Variants in ZYG11A observed in about 807,000 individuals in gnomAD.
ZYG11A encodes zyg-11 family member A, cell cycle regulator.
Under a neutral mutation model 77.2 loss-of-function variants are expected in ZYG11A, and 62 were observed. That is an observed-to-expected ratio of 0.80 (90% confidence interval 0.65 to 0.99). The LOEUF is 0.99. Among genes scored for constraint, ZYG11A ranks in the 50% least tolerant of loss-of-function variants. The probability of loss-of-function intolerance (pLI) is 0.00; values close to 1 mark genes in which losing one functional copy is unlikely to be tolerated. For synonymous variants in ZYG11A, 315 were observed against 324.6 expected, an observed-to-expected ratio of 0.97 and a Z score of 0.32; for missense variants, 828 against 896.8, an observed-to-expected ratio of 0.92 and a Z score of 0.98.
intron 11 of ZYG11A, among the ~76,000 whole-genome samples, chr1:52,884,682 G>A (rs1255292239): frequency 6.6e-6 from 1 of 152,082 alleles, no homozygotes; most frequent in African/African-American, 2.4e-5. Flanking sequence ...AAGCTTAATT[G>A]TCAGTAGTCT....
intron 8 of ZYG11A, among the ~76,000 whole-genome samples, chr1:52,869,282 TTTCTCGCAGAGGGGGA>T (rs1646092345): frequency 6.7e-6 from 1 of 149,422 alleles, no homozygotes; most frequent in South Asian, 2.1e-4. Flanking sequence ...TTCTTGGGTG[TTTCTCGCAGAGGGGGA>T]TTTGGCAGGG....
rs1194827464 is a variant in ZYG11A at position 52,869,963 on chromosome 1, G to GA, written c.1542+2187dup. Reference sequence around the variant, plus strand: ...AGGGTGGCTGGCCGGGCGGGGGGCTGACCCCCCCCCACCCCCCTCCCGGGC... The same window carrying GA: ...AGGGTGGCTGGCCGGGCGGGGGGCTGAACCCCCCCCCACCCCCCTCCCGGGC... On this transcript the variant is annotated intron_variant, in intron 8 of 13. Coordinates refer to ENST00000371528, the MANE Select transcript of ZYG11A (RefSeq NM_001004339.3). 7.3e-5 allele frequency among the ~76,000 whole-genome samples: 8 copies of GA among 109,284 alleles called. 1 individual carries two copies. The highest frequency in any genetic ancestry group is 1.2e-4 in the Non-Finnish European group (6 of 49,644). 71.7% of individuals were successfully genotyped at this position (109,284 alleles called of 152,430 possible).
At chr1:52,885,495 T>C (rs1216117205) in intron 11 of ZYG11A, among the ~76,000 whole-genome samples, 1 of 152,132 alleles carries the variant, frequency 6.6e-6, no homozygotes, top group Non-Finnish European at 1.5e-5. Flanking sequence ...TGAGCCACTG[T>C]GCCCAGCCTG....
intron 8 of ZYG11A, among the ~76,000 whole-genome samples, chr1:52,869,875 C>T (rs12725112): frequency 1.3e-5 from 2 of 150,316 alleles, no homozygotes; most frequent in East Asian, 4.0e-4. Context: ...CCCCACACCT[C>T]CCTCCCGGAC....
At position 52,857,504 on chromosome 1, in the gene ZYG11A, C is replaced by G; in HGVS notation, c.763C>G (p.Leu255Val). The change falls in exon 3 of 14, where the codon CTT (leucine) becomes GTT (valine). Residue 255 changes from leucine to valine, a missense_variant. Transcript: ENST00000371528. ...KSQILAVIRE[L>V]KCLLHLDISD... is the part of the protein sequence containing the mutation. ...ACAAATTCTTGCAGTCATTAGAGAA[C>G]TTAAATGTCTGCTTCACCTTGATAT... 6.4e-7 allele frequency: 1 copy of G among 1,552,204 alleles called. No homozygotes were observed.
At chr1:52,854,722 A>C in intron 2 of ZYG11A, 92 bp downstream of exon 2, 1 of 1,242,488 alleles carries the variant, frequency 8.0e-7, no homozygotes. Context: ...ATTCTCACAA[A>C]GTATTTCCAT....
chr1:52,869,492 T>C (rs1055338512), intron 8 of ZYG11A, among the ~76,000 whole-genome samples: 1 of 151,716 alleles, frequency 6.6e-6, no homozygotes, highest in African/African-American at 2.4e-5. Context: ...AAAGCACATC[T>C]TGCACCGCCC....
At chr1:52,881,936 CAGGGTGG>C (rs1646371971) in intron 11 of ZYG11A, among the ~76,000 whole-genome samples, 1 of 150,166 alleles carries the variant, frequency 6.7e-6, no homozygotes, top group Admixed American at 6.6e-5. Context: ...GTCTGTCTCC[CAGGGTGG>C]AGCACAGTGG....
At position 52,860,248 on chromosome 1, in the gene ZYG11A, A is replaced by G. The variant is rs578223559; in HGVS notation, c.1009-483A>G. Among the ~76,000 whole-genome samples the G allele has an allele frequency of 8.5e-5, 13 of 152,120 alleles. No homozygotes were observed. The South Asian group carries it at 1.0e-3, about 12-fold the overall frequency. On this transcript the variant is annotated intron_variant, in intron 3 of 13. Coordinates refer to ENST00000371528, the MANE Select transcript of ZYG11A (RefSeq NM_001004339.3). ...TAAAAAATAGAGGCGAGGTCTCACTATGTTGTCCAGGCTGGTCTCGTAGTC... is the reference window on the plus strand; with the variant it reads ...TAAAAAATAGAGGCGAGGTCTCACTGTGTTGTCCAGGCTGGTCTCGTAGTC...
chr1:52,890,249 G>GTTTTTTTTTT (rs908467307), intron 13 of ZYG11A, among the ~76,000 whole-genome samples: 1 of 71,658 alleles, frequency 1.4e-5, no homozygotes, highest in African/African-American at 5.8e-5. Flanking sequence ...TTTTCTTTTA[G>GTTTTTTTTTT]TTTTTTTTTT....
At chr1:52,848,305 A>G (rs1200807241) in intron 1 of ZYG11A, among the ~76,000 whole-genome samples, 2 of 152,070 alleles carry the variant, frequency 1.3e-5, no homozygotes, top group African/African-American at 2.4e-5. Flanking sequence ...CTCGCCCGAC[A>G]TGCTTTGTTT....
chr1:52,885,972 G>A (rs150175951), intron 12 of ZYG11A, 78 bp downstream of exon 12: 38 of 1,175,388 alleles, frequency 3.2e-5, no homozygotes, highest in Non-Finnish European at 3.8e-5. Flanking sequence ...TTGCTCAGTC[G>A]CCCAGGCTGG....
In ZYG11A at chr1:52,860,816, A is replaced by C. The variant is rs1057395703; in HGVS notation, c.1094A>C (p.His365Pro). Residue 365 changes from histidine (H) to proline (P), a missense_variant, in exon 4 of 14, where the codon CAC becomes CCC. Physicochemically the swap from His to Pro is moderately conservative, Grantham distance 77 (BLOSUM62 -2). Coordinates refer to ENST00000371528, the MANE Select transcript of ZYG11A (RefSeq NM_001004339.3). ...NRSCFVKEAL[H>P]RLFTETFSME... ...TCATGTTTTGTGAAGGAAGCCCTCC[A>C]CAGGCTGTTCACAGAGACATTTTCA... The C allele has an allele frequency of 4.5e-6, 7 of 1,551,570 alleles. No homozygotes were observed. Among genetic ancestry groups the C allele is most frequent in the Non-Finnish European group, 6.1e-6 (7 of 1,146,968 alleles).
chr1:52,888,462 A>G (rs957766057), intron 13 of ZYG11A, among the ~76,000 whole-genome samples: 3 of 152,102 alleles, frequency 2.0e-5, no homozygotes, highest in South Asian at 2.1e-4. Flanking sequence ...GGTTCAAGCA[A>G]TTCTCCTGCC....
intron 13 of ZYG11A, among the ~76,000 whole-genome samples, chr1:52,887,569 A>C (rs1646473451): frequency 6.6e-6 from 1 of 151,908 alleles, no homozygotes; most frequent in Non-Finnish European, 1.5e-5. Flanking sequence ...ATATTTCTGC[A>C]TGTTTTGCAA....
intron 8 of ZYG11A, among the ~76,000 whole-genome samples, chr1:52,876,781 C>T (rs1646268949): frequency 6.6e-6 from 1 of 152,162 alleles, no homozygotes; most frequent in Non-Finnish European, 1.5e-5. Context: ...TTGAGGTGGT[C>T]TCATTCTTCT....
intron 1 of ZYG11A, among the ~76,000 whole-genome samples, chr1:52,849,072 T>C (rs538451703): frequency 6.6e-6 from 1 of 152,188 alleles, no homozygotes; most frequent in African/African-American, 2.4e-5. Context: ...TACTTCTTTT[T>C]CTTTTTTTTT....
At chr1:52,844,816 C>T (rs1645532000) in intron 1 of ZYG11A, among the ~76,000 whole-genome samples, 1 of 151,992 alleles carries the variant, frequency 6.6e-6, no homozygotes. Flanking sequence ...TATAAGAATA[C>T]ATAAAATTGA....
chr1:52,860,966 T>A, intron 4 of ZYG11A, 95 bp downstream of exon 4: 3 of 1,243,948 alleles, frequency 2.4e-6, no homozygotes, highest in Non-Finnish European at 3.4e-6. Context: ...ATTATATGCT[T>A]TATTCTATAG....
Sources: gnomAD v4.1 joint callset for allele counts (sites outside exome capture counted in the v4.1 genomes callset) on GRCh38, gnomAD v4.1.1 for gene constraint, MANE v1.5 for transcripts, NCBI Gene and HGNC (gene_info 2026-07-23, HGNC 2026-07-21) for gene names.